LDB2: variants seen among roughly 807,000 people sequenced by gnomAD.
LDB2 encodes the protein LIM domain binding 2, also known as LIM domain-binding protein 2.
In LDB2, 12 loss-of-function variants were observed where a neutral mutation model predicts 44.3. The ratio of observed to expected loss-of-function variants is 0.27; its 90% confidence interval spans 0.17 to 0.44. The LOEUF (loss-of-function observed/expected upper bound fraction) is 0.44. Among genes scored for constraint, LDB2 ranks in the 20% least tolerant of loss-of-function variants. LDB2 has a pLI of 1.00. For missense variants in LDB2, 344 were observed against 473.5 expected (o/e 0.73, Z 2.54); for synonymous variants, 164 against 174.8 (o/e 0.94, Z 0.49).
chr4:16,793,068 A>C (rs1206623269), intron 1 of LDB2, among the ~76,000 whole-genome samples: 1 of 152,190 alleles, frequency 6.6e-6, no homozygotes, highest in Admixed American at 6.5e-5. Context: ...TAGAGGTTGA[A>C]GGTGGCTATT....
chr4:16,807,566 G>A (rs1005181077), intron 1 of LDB2, among the ~76,000 whole-genome samples: 1 of 152,202 alleles, frequency 6.6e-6, no homozygotes, highest in Non-Finnish European at 1.5e-5. Context: ...AATAGCAGCT[G>A]TTGGTGAATC....
At chr4:16,802,373 A>G (rs1384671636) in intron 1 of LDB2, among the ~76,000 whole-genome samples, 1 of 152,208 alleles carries the variant, frequency 6.6e-6, no homozygotes, top group Admixed American at 6.5e-5. Context: ...GCAATCCCAG[A>G]AAAAGAGGCC....
chr4:16,898,332 TC>T (rs1182955860), intron 1 of LDB2, 21 bp downstream of exon 1: 3 of 1,605,602 alleles, frequency 1.9e-6, no homozygotes, highest in Non-Finnish European at 2.6e-6. Flanking sequence ...CACAAACACA[TC>T]CCCAAGGTTG....
At chr4:16,733,311 A>G (rs1761143941) in intron 2 of LDB2, among the ~76,000 whole-genome samples, 1 of 152,072 alleles carries the variant, frequency 6.6e-6, no homozygotes, top group African/African-American at 2.4e-5. Context: ...GAGCAGGATA[A>G]TTGGAATAAA....
At chr4:16,803,688 G>C (rs1221645581) in intron 1 of LDB2, among the ~76,000 whole-genome samples, 1 of 152,144 alleles carries the variant, frequency 6.6e-6, no homozygotes, top group Non-Finnish European at 1.5e-5. Context: ...AAAAATCTGA[G>C]TTACAATTCT....
At chr4:16,609,982 T>C (rs1254594156) in intron 2 of LDB2, among the ~76,000 whole-genome samples, 1 of 152,016 alleles carries the variant, frequency 6.6e-6, no homozygotes, top group African/African-American at 2.4e-5. Flanking sequence ...GGGTCAGAGA[T>C]CCTGGAAGAA....
intron 2 of LDB2, among the ~76,000 whole-genome samples, chr4:16,641,502 G>A (rs1292313222): frequency 2.0e-5 from 3 of 152,136 alleles, no homozygotes; most frequent in Non-Finnish European, 4.4e-5. Context: ...AGGGCCTCGG[G>A]GGGCTTTTAC....
intron 2 of LDB2, among the ~76,000 whole-genome samples, chr4:16,719,521 T>C (rs978725281): frequency 3.9e-5 from 6 of 152,124 alleles, no homozygotes; most frequent in Non-Finnish European, 4.4e-5. Flanking sequence ...GTTCTTCCCA[T>C]TCATCCTTTT....
rs1023757861 is a variant in LDB2 at position 16,536,072 on chromosome 4, G to A, written c.616-23968C>T. On this transcript the variant is annotated intron_variant, in intron 5 of 7. Transcript: ENST00000304523. ...TGCTTACTTTGTAAGAAAGCTGGAC[G>A]GAGCACTAGGCCACAAACGGTAAGG... Among the ~76,000 whole-genome samples, 6 of 152,186 alleles carry A rather than the reference G, an allele frequency of 3.9e-5. No individual in the cohort carries two copies. The East Asian group carries it at 5.8e-4, about 15-fold the overall frequency.
intron 1 of LDB2, among the ~76,000 whole-genome samples, chr4:16,814,061 C>T (rs551479375): frequency 1.3e-5 from 2 of 151,976 alleles, no homozygotes; most frequent in African/African-American, 4.8e-5. Context: ...TTACTAGAGA[C>T]GGGGTTTCAC....
At chr4:16,571,381 T>G (rs1746470741) in intron 5 of LDB2, among the ~76,000 whole-genome samples, 1 of 152,126 alleles carries the variant, frequency 6.6e-6, no homozygotes, top group African/African-American at 2.4e-5. Context: ...CAGGAGGGTT[T>G]TTGATCCCAT....
At chr4:16,563,765 A>C (rs1355667743) in intron 5 of LDB2, among the ~76,000 whole-genome samples, 1 of 151,766 alleles carries the variant, frequency 6.6e-6, no homozygotes, top group Non-Finnish European at 1.5e-5. Context: ...GTCTCATCAG[A>C]TATTCTAAAC....
intron 5 of LDB2, among the ~76,000 whole-genome samples, chr4:16,542,286 A>AG (rs1294296356): frequency 1.3e-5 from 2 of 152,190 alleles, no homozygotes; most frequent in African/African-American, 4.8e-5. Flanking sequence ...GCTGGGACAG[A>AG]GATGAGAGAA....
chr4:16,788,344 CTGTGTCA>C (rs1774940661), intron 1 of LDB2, among the ~76,000 whole-genome samples: 1 of 152,176 alleles, frequency 6.6e-6, no homozygotes, highest in South Asian at 2.1e-4. Context: ...AGGGGATGCC[CTGTGTCA>C]TCTGCATCAA....
At chr4:16,893,077 T>C (rs1723882225) in intron 1 of LDB2, 1 of 973,420 alleles carries the variant, frequency 1.0e-6, no homozygotes, top group Non-Finnish European at 1.2e-6. Flanking sequence ...TTACAATTGG[T>C]TTTCTGAGGC....
At chr4:16,851,512 T>C (rs1238274823) in intron 1 of LDB2, among the ~76,000 whole-genome samples, 1 of 151,410 alleles carries the variant, frequency 6.6e-6, no homozygotes, top group Non-Finnish European at 1.5e-5. Flanking sequence ...GAGAATCACT[T>C]GAAACCAGGA....
chr4:16,718,672 T>C (rs1278637748), intron 2 of LDB2, among the ~76,000 whole-genome samples: 1 of 151,472 alleles, frequency 6.6e-6, no homozygotes, highest in African/African-American at 2.4e-5. Flanking sequence ...GAGTACTTCC[T>C]ACCCTAGAGA....
chr4:16,850,055 A>G (rs1054679841), intron 1 of LDB2, among the ~76,000 whole-genome samples: 3 of 152,328 alleles, frequency 2.0e-5, no homozygotes, highest in African/African-American at 4.8e-5. Context: ...CAAAGAGGTG[A>G]TATGCTATAA....
At chr4:16,742,238 A>G (rs1579250230) in intron 2 of LDB2, among the ~76,000 whole-genome samples, 1 of 151,372 alleles carries the variant, frequency 6.6e-6, no homozygotes, top group South Asian at 2.1e-4. Flanking sequence ...CACCCAATTA[A>G]TTTTTGTGTT....
Sources: allele counts gnomAD v4.1 joint callset (sites outside exome capture counted in the v4.1 genomes callset), GRCh38; gene constraint gnomAD v4.1.1; transcripts MANE v1.5; gene names NCBI Gene and HGNC (gene_info 2026-07-23, HGNC 2026-07-21).